Variants in MRPS11 observed in about 807,000 individuals in gnomAD.
MRPS11 encodes the protein mitochondrial ribosomal protein S11.
In MRPS11, 27 loss-of-function variants were observed where a neutral mutation model predicts 24.3. That is an observed-to-expected ratio of 1.11 (90% CI 0.82 to 1.53). The LOEUF (loss-of-function observed/expected upper bound fraction) is 1.53. Among genes scored for constraint, MRPS11 ranks in the 40% most tolerant of loss-of-function variants. MRPS11 has a pLI of 0.00. For missense variants in MRPS11, 277 were observed against 256.5 expected (o/e 1.08, Z -0.55); for synonymous variants, 104 against 98.7 (o/e 1.05, Z -0.32).
At chr15:88,468,510 C>T (rs2055605135) in intron 2 of MRPS11, 2 of 989,340 alleles carry the variant, frequency 2.0e-6, no homozygotes, top group Non-Finnish European at 2.4e-6. Context: ...ATCCACTTAA[C>T]TTCACATCCA....
rs139694172 is a variant in MRPS11 at position 88,477,907 on chromosome 15, A to C, written c.513A>C (p.Glu171Asp). ...ACGGACTGATCATGGGCGGCCTGGA[A>C]GTGATCTCAATCACAGACAACACCC... is the stretch of plus-strand genomic sequence containing the variant. ...AMHGLIMGGL[E>D]VISITDNTPI... is the part of the protein sequence containing the mutation. The change falls in exon 6 of 6, where the codon GAA (glutamate) becomes GAC (aspartate). Residue 171 changes from glutamate (E) to aspartate (D), a missense_variant. Transcript: ENST00000325844. This position sits in a 1 kb window ranked among gnomAD's most constrained non-coding sequence, Gnocchi z 5.7. The C allele has an allele frequency of 4.3e-6, 7 of 1,614,042 alleles. No homozygotes were observed. The highest frequency in any genetic ancestry group is 1.3e-5 in the African/African-American group (1 of 74,914).
intron 3 of MRPS11, chr15:88,474,892 T>C: frequency 2.0e-6 from 1 of 493,068 alleles, no homozygotes; most frequent in Non-Finnish European, 3.6e-6. Flanking sequence ...GCTCTTTAAA[T>C]TATGTGACTT....
chr15:88,476,035 GT>G (rs1355459485), intron 4 of MRPS11, among the ~76,000 whole-genome samples: 1 of 152,170 alleles, frequency 6.6e-6, no homozygotes, highest in Non-Finnish European at 1.5e-5. Context: ...ACATAGTATC[GT>G]GGGGACTCAT....
chr15:88,468,339 C>T, intron 2 of MRPS11: 2 of 1,131,486 alleles, frequency 1.8e-6, no homozygotes, highest in Non-Finnish European at 2.2e-6. Context: ...GACCAATAAC[C>T]TTCCCTGCCT....
chr15:88,468,333 A>T, intron 2 of MRPS11: 5 of 1,144,910 alleles, frequency 4.4e-6, no homozygotes, highest in Non-Finnish European at 5.4e-6. Flanking sequence ...TTTTCAGACC[A>T]ATAACCTTCC....
intron 2 of MRPS11, among the ~76,000 whole-genome samples, chr15:88,470,744 G>T (rs1437594408): frequency 6.6e-6 from 1 of 152,152 alleles, no homozygotes; most frequent in African/African-American, 2.4e-5. Flanking sequence ...ATTGAAATGG[G>T]TTCAAGGAGA....
intron 3 of MRPS11, among the ~76,000 whole-genome samples, chr15:88,473,276 G>A (rs775738447): frequency 9.2e-5 from 14 of 152,166 alleles, no homozygotes; most frequent in Non-Finnish European, 1.3e-4. Flanking sequence ...GCTTACAGAC[G>A]GGGACAGTGC....
chr15:88,470,039 G>A (rs955009414), intron 2 of MRPS11, among the ~76,000 whole-genome samples: 3 of 152,118 alleles, frequency 2.0e-5, no homozygotes, highest in Admixed American at 6.5e-5. Flanking sequence ...CTCAAGGGCC[G>A]GGCGCGGTGG....
chr15:88,474,654 G>T (rs1043264068), intron 3 of MRPS11, among the ~76,000 whole-genome samples: 6 of 152,078 alleles, frequency 3.9e-5, no homozygotes, highest in Non-Finnish European at 7.4e-5. Context: ...CAGACAAAAT[G>T]ATAGGTCTGG....
chr15:88,474,495 G>T (rs923239287), intron 3 of MRPS11, among the ~76,000 whole-genome samples: 1 of 150,144 alleles, frequency 6.7e-6, no homozygotes, highest in Non-Finnish European at 1.5e-5. Flanking sequence ...GGAGGCGGAG[G>T]TTACTGTGAG....
Position 88,477,832 on chromosome 15 carries a change from T to C in MRPS11, c.478-40T>C. Reference sequence around the variant, plus strand: ...CCTGGAGACACTGGATCATCATTTCTGGGACCATGTCATTCTACTTTTCCT... The same window carrying C: ...CCTGGAGACACTGGATCATCATTTCCGGGACCATGTCATTCTACTTTTCCT... On this transcript the variant is annotated intron_variant, in intron 5 of 5. Transcript: ENST00000325844. This position sits in a 1 kb window ranked among gnomAD's most constrained non-coding sequence, Gnocchi z 5.7. 6.3e-7 allele frequency: 1 copy of C among 1,576,756 alleles called. No homozygotes were observed. Among genetic ancestry groups the C allele is most frequent in the South Asian group, 1.1e-5 (1 of 90,068 alleles).
intron 4 of MRPS11, among the ~76,000 whole-genome samples, chr15:88,476,257 C>T (rs1014287071): frequency 6.6e-6 from 1 of 152,120 alleles, no homozygotes; most frequent in Non-Finnish European, 1.5e-5. Context: ...AGCCATGCAC[C>T]GATTCAGTTC....
intron 2 of MRPS11, chr15:88,472,415 G>A: frequency 2.0e-6 from 1 of 500,646 alleles, no homozygotes; most frequent in Middle Eastern, 5.6e-4. Flanking sequence ...GTCCCCAGAT[G>A]TGTCTGAAGT....
At chr15:88,468,081 C>T in intron 2 of MRPS11, 57 bp downstream of exon 2, 1 of 1,547,398 alleles carries the variant, frequency 6.5e-7, no homozygotes, top group East Asian at 2.4e-5. Context: ...TCTTGCCCGA[C>T]ACCCTCCAGA....
chr15:88,472,671 C>T lies in MRPS11; in HGVS notation c.227C>T (p.Ala76Val), dbSNP rs1307714838. Residue 76 changes from alanine (A) to valine (V), a missense_variant, in exon 3 of 6, where the codon GCA becomes GTA. Ala to Val is a moderately conservative substitution (Grantham distance 64). Coordinates refer to ENST00000325844, the MANE Select transcript of MRPS11 (RefSeq NM_022839.5). ...IPGEESSLRW[A>V]GKKFEEIPIA... is the part of the protein sequence containing the mutation. Reference sequence around the variant, plus strand: ...GGAGAGGAGAGCTCTCTGAGGTGGGCAGGAAAGAAATTTGAGGAGATCCCA... The same window carrying T: ...GGAGAGGAGAGCTCTCTGAGGTGGGTAGGAAAGAAATTTGAGGAGATCCCA... 6.2e-7 allele frequency: 1 copy of T among 1,613,948 alleles called. No individual in the cohort carries two copies. The highest frequency in any genetic ancestry group is 1.3e-5 in the African/African-American group (1 of 74,892).
chr15:88,472,467 A>G (rs1002840578), intron 2 of MRPS11, 160 bp from the exon 3 acceptor site: 8 of 599,214 alleles, frequency 1.3e-5, no homozygotes, highest in African/African-American at 1.1e-4. Context: ...GCAGTCACAC[A>G]TGCGGTGGTG....
At chr15:88,474,483 C>CGGTT (rs2055779461) in intron 3 of MRPS11, among the ~76,000 whole-genome samples, 1 of 150,538 alleles carries the variant, frequency 6.6e-6, no homozygotes, top group Non-Finnish European at 1.5e-5. Flanking sequence ...CACTTGAACC[C>CGGTT]GGGAGGCGGA....
At chr15:88,474,857 A>G (rs756590631) in intron 3 of MRPS11, among the ~76,000 whole-genome samples, 6 of 152,190 alleles carry the variant, frequency 3.9e-5, no homozygotes, top group Non-Finnish European at 8.8e-5. Flanking sequence ...GTGATACTTA[A>G]CTAACTACTC....
At chr15:88,471,528 A>G (rs1053202040) in intron 2 of MRPS11, among the ~76,000 whole-genome samples, 2 of 152,176 alleles carry the variant, frequency 1.3e-5, no homozygotes, top group Non-Finnish European at 2.9e-5. Context: ...GTGTGTTCAA[A>G]TTTTAAAAAG....
Sources: gnomAD v4.1 joint callset for allele counts (sites outside exome capture counted in the v4.1 genomes callset) on GRCh38, gnomAD v4.1.1 for gene constraint, Gnocchi (gnomAD v3.1) non-coding constraint, MANE v1.5 for transcripts, NCBI Gene and HGNC (gene_info 2026-07-23, HGNC 2026-07-21) for gene names.